SLC2A2: variants seen among roughly 807,000 people sequenced by gnomAD.
SLC2A2 encodes solute carrier family 2 member 2, also known as solute carrier family 2, facilitated glucose transporter member 2.
Under a neutral mutation model 54.5 loss-of-function variants are expected in SLC2A2, and 36 were observed. The ratio of observed to expected loss-of-function variants is 0.66; its 90% CI spans 0.51 to 0.87. The LOEUF is 0.87. SLC2A2 is among the 40% of genes least tolerant of loss of function. The pLI, the probability that SLC2A2 is intolerant of heterozygous loss-of-function variation, is 0.00. For synonymous variants in SLC2A2, 223 were observed against 219.1 expected, an observed-to-expected ratio of 1.02 and a Z score of -0.16; for missense variants, 543 against 624.3, an observed-to-expected ratio of 0.87 and a Z score of 1.39.
rs114710971 is a variant in SLC2A2, at chr3:170,997,429, T to C, written c.*474A>G. 0.01 allele frequency: 1,606 copies of C among 159,238 alleles called. 35 individuals are homozygous for C. Among genetic ancestry groups the C allele is most frequent in the African/African-American group, 0.036 (1,487 of 41,566 alleles). The allele number at this position is 159,238 out of a possible 1,614,324, so 9.9% of individuals were successfully genotyped here. A position where few individuals can be genotyped will look rare whatever the true frequency, so the allele number is the denominator to read the frequency against. On this transcript the variant is annotated 3_prime_UTR_variant, in exon 11 of 11. Coordinates refer to ENST00000314251, the MANE Select transcript of SLC2A2 (RefSeq NM_000340.2). ...TACTCAAGAAAAAAGCTGAGTGCAA[T>C]AAATGGAAGAGTTGTCTATTTTAAC...
At chr3:171,014,337 C>T (rs895768356) in intron 3 of SLC2A2, 132 bp downstream of exon 3, 10 of 919,542 alleles carry the variant, frequency 1.1e-5, no homozygotes, top group Admixed American at 2.0e-5. Flanking sequence ...TGATATGCCT[C>T]ATAGGGTCAT....
Position 171,018,621 on chromosome 3 carries a change from G to A in SLC2A2, c.18C>T (p.Val6=). MTEDK[V]TGTLVFTVIT... ...TGACAGTGAAAACCAGGGTCCCAGT[G>A]ACCTGCAGGGGGCGAGACACAGGGC... Residue 6 remains valine (V), a splice_region_variant and synonymous_variant, in exon 2 of 11, where the codon GTC becomes GTT. Transcript: ENST00000314251. 1 of 1,611,490 alleles carries A rather than the reference G, an allele frequency of 6.2e-7. No homozygotes were observed. Among genetic ancestry groups the A allele is most frequent in the Non-Finnish European group, 8.5e-7 (1 of 1,177,658 alleles).
intron 1 of SLC2A2, among the ~76,000 whole-genome samples, chr3:171,019,574 T>C (rs1387405061): frequency 3.3e-5 from 5 of 152,144 alleles, no homozygotes; most frequent in Non-Finnish European, 7.4e-5. Flanking sequence ...TAGTTTAGCA[T>C]TTTTTTGTGC....
chr3:171,002,254 A>G (rs957668292), intron 8 of SLC2A2, among the ~76,000 whole-genome samples: 1 of 152,042 alleles, frequency 6.6e-6, no homozygotes, highest in African/African-American at 2.4e-5. Context: ...CAAGGGGTTT[A>G]TGTACAGAGA....
At chr3:171,007,311 C>T (rs769704150) in intron 4 of SLC2A2, 48 bp from the exon 5 acceptor site, 3 of 1,105,480 alleles carry the variant, frequency 2.7e-6, no homozygotes, top group African/African-American at 1.5e-5. Flanking sequence ...AGGACTATCT[C>T]AATAATAACA....
chr3:171,014,693 T>C lies in SLC2A2; in HGVS notation c.147A>G (p.Pro49=). The change falls in exon 3 of 11, where the codon CCA becomes CCG. Residue 49 remains proline (P), a synonymous_variant. Coordinates refer to ENST00000314251, the MANE Select transcript of SLC2A2 (RefSeq NM_000340.2). ...ISHYRHVLGV[P]LDDRKAINNY... Reference sequence around the variant, plus strand: ...TGTTGATAGCTTTTCGGTCATCCAGTGGAACACCCAAAACATGTCTATAGT... The same window carrying C: ...TGTTGATAGCTTTTCGGTCATCCAGCGGAACACCCAAAACATGTCTATAGT... The C allele has an allele frequency of 6.2e-7, 1 of 1,613,804 alleles. No homozygotes were observed.
chr3:171,007,997 T>C (rs920121644), intron 4 of SLC2A2, among the ~76,000 whole-genome samples: 2 of 152,136 alleles, frequency 1.3e-5, no homozygotes, highest in Non-Finnish European at 2.9e-5. Context: ...CTTTCTTAAA[T>C]GCACATGTAA....
chr3:171,001,889 A>G (rs1353787216), intron 8 of SLC2A2, among the ~76,000 whole-genome samples: 1 of 149,058 alleles, frequency 6.7e-6, no homozygotes, highest in African/African-American at 2.5e-5. Flanking sequence ...CACTTCTTAT[A>G]TAAAGTTATT....
chr3:171,024,026 T>C (rs1264148140), intron 1 of SLC2A2, among the ~76,000 whole-genome samples: 1 of 152,108 alleles, frequency 6.6e-6, no homozygotes, highest in East Asian at 1.9e-4. Flanking sequence ...TCATAAGTCA[T>C]ATAGGGTCTA....
chr3:171,009,054 G>A (rs1715752348), intron 4 of SLC2A2, among the ~76,000 whole-genome samples: 1 of 152,008 alleles, frequency 6.6e-6, no homozygotes, highest in African/African-American at 2.4e-5. Context: ...CATCCCCATG[G>A]ATAGAGGTGC....
chr3:171,007,390 T>C, intron 4 of SLC2A2, 127 bp from the exon 5 acceptor site: 1 of 696,812 alleles, frequency 1.4e-6, no homozygotes, highest in Non-Finnish European at 2.6e-6. Flanking sequence ...GGATGAACCC[T>C]TGTTCCTAGG....
Position 170,998,005 on chromosome 3 carries a change from A to T in SLC2A2, c.1473T>A (p.Ser491=). 1 of 1,613,792 alleles carries T rather than the reference A, an allele frequency of 6.2e-7. No individual in the cohort carries two copies. Among genetic ancestry groups the T allele is most frequent in the Non-Finnish European group, 8.5e-7 (1 of 1,179,810 alleles). The change falls in exon 11 of 11, where the codon TCT becomes TCA. Residue 491 remains serine, a synonymous_variant. Transcript: ENST00000314251. ...FFKVPETKGK[S]FEEIAAEFQK... Reference sequence around the variant, plus strand: ...GGAATTCTGCAGCAATTTCCTCAAAAGACTTTCCTTTGGTTTCTGGAACTT... The same window carrying T: ...GGAATTCTGCAGCAATTTCCTCAAATGACTTTCCTTTGGTTTCTGGAACTT...
intron 3 of SLC2A2, among the ~76,000 whole-genome samples, chr3:171,013,927 C>G (rs1716005857): frequency 8.5e-6 from 1 of 117,460 alleles, no homozygotes; most frequent in Non-Finnish European, 1.7e-5. Flanking sequence ...CTTGCTTCAT[C>G]TCTGGTTGGG....
intron 6 of SLC2A2, 80 bp downstream of exon 6, chr3:171,005,863 C>A: frequency 1.4e-6 from 2 of 1,386,198 alleles, no homozygotes; most frequent in Non-Finnish European, 1.0e-6. Context: ...TAATCACCAA[C>A]TTCATGTGGA....
At chr3:171,013,165 A>T (rs7429037) in intron 3 of SLC2A2, among the ~76,000 whole-genome samples, 24 of 152,170 alleles carry the variant, frequency 1.6e-4, no homozygotes, top group South Asian at 8.3e-4. Flanking sequence ...AATTTTTTTT[A>T]AAATTATTTT....
intron 2 of SLC2A2, among the ~76,000 whole-genome samples, chr3:171,016,485 A>G (rs947130971): frequency 6.6e-6 from 1 of 152,226 alleles, no homozygotes; most frequent in Non-Finnish European, 1.5e-5. Flanking sequence ...ATGCATAGAA[A>G]AAAAAGCTGA....
chr3:171,010,752 C>T (rs1412419306), intron 3 of SLC2A2, among the ~76,000 whole-genome samples: 1 of 151,788 alleles, frequency 6.6e-6, no homozygotes, highest in African/African-American at 2.4e-5. Flanking sequence ...TATTGTATGC[C>T]AGCATATTTC....
At chr3:171,011,057 C>G (rs1449553444) in intron 3 of SLC2A2, among the ~76,000 whole-genome samples, 3 of 151,920 alleles carry the variant, frequency 2.0e-5, no homozygotes, top group Non-Finnish European at 4.4e-5. Flanking sequence ...ATAGGTGGGC[C>G]TTTTCCATGC....
rs1262058831 is a variant in SLC2A2 at position 170,998,251 on chromosome 3, G to A, written c.1316C>T (p.Ala439Val). Residue 439 changes from alanine (A) to valine (V), a missense_variant, in exon 10 of 11, where the codon GCT (alanine) becomes GTT (valine). Ala to Val is a moderately conservative substitution (Grantham distance 64). This residue lies in a region of SLC2A2 where 108 missense variants were observed against 101.3 expected (regional missense o/e 1.07). Coordinates refer to ENST00000314251, the MANE Select transcript of SLC2A2 (RefSeq NM_000340.2). Reference sequence around the variant, plus strand: ...ATTGCAGGTCCAATTGCTGAATGCAGCTATTGCTAAAGCAGCAGGACGTGG... The same window carrying A: ...ATTGCAGGTCCAATTGCTGAATGCAACTATTGCTAAAGCAGCAGGACGTGG... ...QGPRPAALAIAAFSNWTCNFI... is the reference protein window; with the variant it reads ...QGPRPAALAIVAFSNWTCNFI... The A allele has an allele frequency of 1.2e-6, 2 of 1,613,708 alleles. No homozygotes were observed. The highest frequency in any genetic ancestry group is 1.7e-6 in the Non-Finnish European group (2 of 1,179,816).
Sources: gnomAD v4.1 joint callset for allele counts (sites outside exome capture counted in the v4.1 genomes callset) on GRCh38, gnomAD v4.1.1 for gene constraint, gnomAD v4.1.1 regional missense constraint, MANE v1.5 for transcripts, NCBI Gene and HGNC (gene_info 2026-07-23, HGNC 2026-07-21) for gene names.